GCNT1: variants seen among roughly 807,000 people sequenced by gnomAD.
The protein encoded by GCNT1 is beta-1,3-galactosyl-O-glycosyl-glycoprotein beta-1,6-N-acetylglucosaminyltransferase.
In GCNT1, 16 loss-of-function variants were observed where a neutral mutation model predicts 26.2. The observed-to-expected ratio is 0.61, with a 90% CI of 0.41 to 0.93. GCNT1 has a LOEUF of 0.93. Among genes scored for constraint, GCNT1 ranks in the 40% least tolerant of loss-of-function variants. The probability of loss-of-function intolerance (pLI) is 0.00; values close to 1 mark genes in which losing one functional copy is unlikely to be tolerated. For missense variants in GCNT1, 477 were observed against 526.7 expected (o/e 0.91, Z 0.92); for synonymous variants, 183 against 190.8 (o/e 0.96, Z 0.34).
At chr9:76,394,505 T>A in the GCNT1 span, 1 of 228,094 alleles carries the variant, frequency 4.4e-6, no homozygotes, top group Non-Finnish European at 8.6e-6. Flanking sequence ...TGCGCTCCCT[T>A]CCTCAGCCGA....
At chr9:76,424,999 C>T (rs923114627) in intron 1 of GCNT1, among the ~76,000 whole-genome samples, 11 of 151,666 alleles carry the variant, frequency 7.3e-5, no homozygotes, top group African/African-American at 1.9e-4. Flanking sequence ...ATTAGCCAGG[C>T]GTGGTATCAC....
At chr9:76,435,875 A>C (rs1823399839) in intron 1 of GCNT1, among the ~76,000 whole-genome samples, 1 of 152,030 alleles carries the variant, frequency 6.6e-6, no homozygotes, top group African/African-American at 2.4e-5. Context: ...GAAGGGTCTT[A>C]AATTTATTGG....
intron 2 of GCNT1, among the ~76,000 whole-genome samples, chr9:76,479,426 G>GAATCGCCACACTGTCTTCC (rs1401705585): frequency 1.3e-5 from 2 of 152,192 alleles, no homozygotes; most frequent in Non-Finnish European, 2.9e-5. Flanking sequence ...GATCCCTGAG[G>GAATCGCCACACTGTCTTCC]AATCGCCACA....
chr9:76,433,734 C>T lies in GCNT1; in HGVS notation n.38+13847C>T, dbSNP rs77292379. Among the ~76,000 whole-genome samples the T allele has an allele frequency of 7.7e-3, 1,167 of 152,292 alleles. 13 individuals carry two copies. The highest frequency in any genetic ancestry group is 0.025 in the African/African-American group (1,046 of 41,546). Reference sequence around the variant, plus strand: ...AGGGAAGCCTGGGCAGGGGTATCACCGGCTGGAGGTTTCCTGCTGGCAAGG... The same window carrying T: ...AGGGAAGCCTGGGCAGGGGTATCACTGGCTGGAGGTTTCCTGCTGGCAAGG... On this transcript the variant is annotated intron_variant and non_coding_transcript_variant, in intron 1 of 3. Transcript: ENST00000488136.
upstream of GCNT1, among the ~76,000 whole-genome samples, chr9:76,417,268 C>T (rs1393487056): frequency 6.6e-6 from 1 of 152,182 alleles, no homozygotes; most frequent in Non-Finnish European, 1.5e-5. Flanking sequence ...AAAATGCCAT[C>T]TCCGCAGTAA....
chr9:76,425,134 G>A (rs1407756711), intron 1 of GCNT1, among the ~76,000 whole-genome samples: 4 of 72,410 alleles, frequency 5.5e-5, no homozygotes, highest in Non-Finnish European at 1.0e-4. Context: ...ACGAAACTCC[G>A]TCTAAAAAAA....
chr9:76,467,044 C>CTTTTTTTTTTTTTTTTTTTTT (rs368874355), intron 2 of GCNT1, among the ~76,000 whole-genome samples: 1 of 146,908 alleles, frequency 6.8e-6, no homozygotes, highest in Non-Finnish European at 1.5e-5. Flanking sequence ...CTCAGCTGAT[C>CTTTTTTTTTTTTTTTTTTTTT]TTTTTTTTTT....
At chr9:76,454,242 G>T (rs543955962), upstream of GCNT1, among the ~76,000 whole-genome samples, 47 of 152,022 alleles carry the variant, frequency 3.1e-4, no homozygotes, top group African/African-American at 1.1e-3. Context: ...GGGCATGGTT[G>T]GTGCATGCCT....
At chr9:76,474,684 G>C (rs1359142881) in intron 2 of GCNT1, among the ~76,000 whole-genome samples, 1 of 152,190 alleles carries the variant, frequency 6.6e-6, no homozygotes, top group Non-Finnish European at 1.5e-5. Flanking sequence ...ATTGTCAATG[G>C]ATTTTTGTTT....
upstream of GCNT1, among the ~76,000 whole-genome samples, chr9:76,417,272 G>T (rs767510689): frequency 3.3e-5 from 5 of 152,080 alleles, no homozygotes; most frequent in Non-Finnish European, 5.9e-5. Context: ...TGCCATCTCC[G>T]CAGTAAATGA....
chr9:76,445,131 T>C (rs756097023), intron 1 of GCNT1, among the ~76,000 whole-genome samples: 4 of 152,162 alleles, frequency 2.6e-5, no homozygotes, highest in Non-Finnish European at 5.9e-5. Context: ...ATAACATTTT[T>C]GCATGCTGAT....
intron 1 of GCNT1, among the ~76,000 whole-genome samples, chr9:76,433,664 G>C (rs1181232172): frequency 6.6e-6 from 1 of 152,238 alleles, no homozygotes; most frequent in Non-Finnish European, 1.5e-5. Context: ...GCACAGTTTG[G>C]CAGGCTGAGT....
intron 2 of GCNT1, among the ~76,000 whole-genome samples, chr9:76,468,660 G>C (rs1824061436): frequency 6.6e-6 from 1 of 152,178 alleles, no homozygotes; most frequent in Non-Finnish European, 1.5e-5. Context: ...TGAGTTTACA[G>C]GTGTCTGCAT....
Position 76,502,973 on chromosome 9 carries a change from A to G in GCNT1, c.592A>G (p.Asn198Asp). ...GTGGAGCCGGGTTCAGGCTGACCTCAACTGCATGAAGGATCTCTATGCAAT... is the reference window on the plus strand; with the variant it reads ...GTGGAGCCGGGTTCAGGCTGACCTCGACTGCATGAAGGATCTCTATGCAAT... ...ASWSRVQADL[N>D]CMKDLYAMSA... Residue 198 changes from asparagine to aspartate, a missense_variant, in exon 4 of 4, where the codon AAC becomes GAC. Coordinates refer to ENST00000376730, the MANE Select transcript of GCNT1 (RefSeq NM_001490.5). 1 of 1,613,000 alleles carries G rather than the reference A, an allele frequency of 6.2e-7. No homozygotes were observed. Among genetic ancestry groups the G allele is most frequent in the Non-Finnish European group, 8.5e-7 (1 of 1,179,788 alleles).
upstream of GCNT1, chr9:76,441,567 T>C (rs1823484487): frequency 1.3e-5 from 2 of 152,238 alleles, no homozygotes; most frequent in East Asian, 1.9e-4. Flanking sequence ...ACAATTTTGT[T>C]CAAAACACTT....
rs1823267363 is a variant in GCNT1, at chr9:76,427,099, A to T, written n.38+7212A>T. Among the ~76,000 whole-genome samples, 3 of 152,298 alleles carry T rather than the reference A, an allele frequency of 2.0e-5. No individual in the cohort carries two copies. The South Asian group carries it at 6.2e-4, about 32-fold the overall frequency. On this transcript the variant is annotated intron_variant and non_coding_transcript_variant, in intron 1 of 3. Transcript: ENST00000488136. ...TTATATGACAAAGAAATTTAAACAC[A>T]GACATGCACAGAGAAAAGATCATCT...
At chr9:76,452,530 C>T (rs1377226605) in intron 1 of GCNT1, among the ~76,000 whole-genome samples, 1 of 152,064 alleles carries the variant, frequency 6.6e-6, no homozygotes, top group Admixed American at 6.6e-5. Context: ...CTTGGGAGGC[C>T]TCAGGAAACT....
chr9:76,418,237 G>A (rs922966473), upstream of GCNT1, among the ~76,000 whole-genome samples: 2 of 152,158 alleles, frequency 1.3e-5, no homozygotes, highest in African/African-American at 4.8e-5. Context: ...GGAATATTTG[G>A]GTTACAATAA....
At chr9:76,450,481 T>C (rs1246089819) in intron 1 of GCNT1, among the ~76,000 whole-genome samples, 1 of 152,246 alleles carries the variant, frequency 6.6e-6, no homozygotes, top group Admixed American at 6.5e-5. Context: ...AGTATCCATG[T>C]TGTCCAAATG....
Sources: allele counts gnomAD v4.1 joint callset (sites outside exome capture counted in the v4.1 genomes callset), GRCh38; gene constraint gnomAD v4.1.1; transcripts MANE v1.5; gene names NCBI Gene and HGNC (gene_info 2026-07-23, HGNC 2026-07-21).